STXBP3: variants seen among roughly 807,000 people sequenced by gnomAD.
The protein encoded by STXBP3 is syntaxin binding protein 3.
In STXBP3, 41 loss-of-function variants were observed where a neutral mutation model predicts 85.7. The ratio of observed to expected loss-of-function variants is 0.48; its 90% CI spans 0.37 to 0.62. The LOEUF is 0.62. Among genes scored for constraint, STXBP3 ranks in the 20% least tolerant of loss-of-function variants. The pLI is 0.00. For synonymous variants in STXBP3, 229 were observed against 231.7 expected (o/e 0.99, Z 0.10); for missense variants, 563 against 703.1 (o/e 0.80, Z 2.25).
chr1:108,801,004 T>G (rs1037769562), intron 17 of STXBP3, among the ~76,000 whole-genome samples: 1 of 152,198 alleles, frequency 6.6e-6, no homozygotes, highest in African/African-American at 2.4e-5. Flanking sequence ...TCTCCTTCCT[T>G]TCTTTCTGAA....
rs148712867 is a variant in STXBP3 at position 108,758,549 on chromosome 1, G to C, written c.298G>C (p.Glu100Gln). Residue 100 changes from glutamate to glutamine, a missense_variant, in exon 5 of 19, where the codon GAG becomes CAG. Glu to Gln is a conservative substitution (Grantham distance 29). Transcript: ENST00000370008. ...CFLHDFASKS[E>Q]NKYKAAYIYF... ...CTTACATGATTTTGCAAGTAAATCG[G>C]AGAACAAGTATAAAGCAGCATATAT... 8 of 1,546,966 alleles carry C rather than the reference G, an allele frequency of 5.2e-6. No individual in the cohort carries two copies. The African/African-American group carries it at 9.6e-5, about 19-fold the overall frequency.
chr1:108,774,670 G>C (rs1475106146), intron 7 of STXBP3, among the ~76,000 whole-genome samples: 1 of 137,070 alleles, frequency 7.3e-6, no homozygotes, highest in Non-Finnish European at 1.5e-5. Context: ...TTGAGATGGG[G>C]GTCTCTATGT....
intron 11 of STXBP3, among the ~76,000 whole-genome samples, chr1:108,789,981 G>T (rs1465205738): frequency 8.1e-6 from 1 of 123,190 alleles, no homozygotes; most frequent in Non-Finnish European, 1.7e-5. Flanking sequence ...AACAGAGTGA[G>T]ACTCTGTCTC....
At chr1:108,776,273 G>T in intron 7 of STXBP3, 60 bp from the exon 8 acceptor site, 3 of 1,054,496 alleles carry the variant, frequency 2.8e-6, no homozygotes, top group Non-Finnish European at 3.9e-6. Context: ...TAAACTTCAT[G>T]ATATTATAAA....
At chr1:108,766,993 C>A (rs890968202) in intron 6 of STXBP3, 21 of 497,638 alleles carry the variant, frequency 4.2e-5, no homozygotes, top group South Asian at 2.9e-4. Context: ...GCTTTGAGAC[C>A]CCCTTGTGTG....
In STXBP3 at chr1:108,746,686, A is replaced by G. The variant is rs967235175; in HGVS notation, c.-52A>G. The G allele has an allele frequency of 1.9e-6, 3 of 1,547,188 alleles. No individual in the cohort carries two copies. The African/African-American group carries it at 4.1e-5, about 21-fold the overall frequency. ...CCACCCCAACGCCGCTTCTGCGGCC[A>G]AAGTAGGTTGGGAGTGGAAGGTGGT... On this transcript the variant is annotated 5_prime_UTR_variant, in exon 1 of 19. Coordinates refer to ENST00000370008, the MANE Select transcript of STXBP3 (RefSeq NM_007269.4).
rs1042227542 is a variant in STXBP3 at position 108,746,728 on chromosome 1, T to C, written c.-10T>C. ...GAAGGTGGTGGCTGCTGCTCCGCAG[T>C]GTCGGGAAGATGGCGCCGCCGGTGG... On this transcript the variant is annotated 5_prime_UTR_variant, in exon 1 of 19. Transcript: ENST00000370008. The C allele has an allele frequency of 1.2e-5, 19 of 1,548,934 alleles. No homozygotes were observed. Among genetic ancestry groups the C allele is most frequent in the Admixed American group, 2.0e-5 (1 of 50,920 alleles).
intron 1 of STXBP3, among the ~76,000 whole-genome samples, chr1:108,750,163 T>C (rs1164218350): frequency 1.3e-5 from 2 of 152,130 alleles, no homozygotes. Flanking sequence ...CATTCATTTC[T>C]TAAGAGAAAG....
intron 1 of STXBP3, among the ~76,000 whole-genome samples, chr1:108,747,110 G>GCCGCGCTCCCCACTCTTCTTCGCTCCCGT (rs1661804122): frequency 1.4e-5 from 2 of 147,394 alleles, no homozygotes; most frequent in African/African-American, 5.0e-5. Flanking sequence ...CGTGCCCTCG[G>GCCGCGCTCCCCACTCTTCTTCGCTCCCGT]CCGCGCTCCC....
chr1:108,764,470 C>CAGA (rs1393198709), intron 6 of STXBP3, among the ~76,000 whole-genome samples: 2 of 152,184 alleles, frequency 1.3e-5, no homozygotes, highest in African/African-American at 4.8e-5. Context: ...GAGGAATCAC[C>CAGA]ACACTGTCTT....
At chr1:108,807,615 C>G (rs1211280064) in intron 18 of STXBP3, 66 bp downstream of exon 18, 4 of 1,483,840 alleles carry the variant, frequency 2.7e-6, no homozygotes, top group Admixed American at 2.2e-5. Context: ...TCGGTCTTGT[C>G]CCCCAGGCTG....
chr1:108,763,073 A>C (rs899141479), intron 6 of STXBP3, among the ~76,000 whole-genome samples: 5 of 152,348 alleles, frequency 3.3e-5, no homozygotes, highest in African/African-American at 1.2e-4. Context: ...GAATATTTGC[A>C]CAAGGCACAG....
At position 108,759,989 on chromosome 1, in the gene STXBP3, C is replaced by T. The variant is rs764756789; in HGVS notation, c.342C>T (p.Cys114=). Residue 114 remains cysteine (C), a synonymous_variant, in exon 6 of 19, where the codon TGC becomes TGT. Transcript: ENST00000370008. ...KAAYIYFTDF[C]PDNLFNKIKA... ...TTTGTTTTTTTTTCCCCTCAGTTTGCCCTGATAATCTCTTTAACAAAATTA... is the reference window on the plus strand; with the variant it reads ...TTTGTTTTTTTTTCCCCTCAGTTTGTCCTGATAATCTCTTTAACAAAATTA... 5 of 1,555,490 alleles carry T rather than the reference C, an allele frequency of 3.2e-6. No individual in the cohort carries two copies. The South Asian group carries it at 5.0e-5, about 15-fold the overall frequency.
chr1:108,747,041 C>A (rs1047542734), intron 1 of STXBP3, among the ~76,000 whole-genome samples: 5 of 147,136 alleles, frequency 3.4e-5, no homozygotes, highest in Non-Finnish European at 7.5e-5. Flanking sequence ...GCGCTCTGGC[C>A]GCGAAGCTCC....
At chr1:108,757,380 C>T (rs1359511348) in intron 4 of STXBP3, among the ~76,000 whole-genome samples, 3 of 151,976 alleles carry the variant, frequency 2.0e-5, no homozygotes, top group Non-Finnish European at 4.4e-5. Flanking sequence ...TTTCATTTCA[C>T]TTCTAAAAAA....
intron 6 of STXBP3, chr1:108,767,413 T>A (rs541505099): frequency 4.9e-6 from 1 of 203,166 alleles, no homozygotes; most frequent in African/African-American, 2.4e-5. Flanking sequence ...AAACATTCCT[T>A]CTTGAGTTTA....
At chr1:108,797,157 C>T (rs1663121147) in intron 15 of STXBP3, among the ~76,000 whole-genome samples, 1 of 151,788 alleles carries the variant, frequency 6.6e-6, no homozygotes, top group African/African-American at 2.4e-5. Flanking sequence ...GAGTTCGAGA[C>T]CAGCCTGGGC....
chr1:108,765,009 T>G (rs1038787399), intron 6 of STXBP3, among the ~76,000 whole-genome samples: 2 of 152,206 alleles, frequency 1.3e-5, no homozygotes, highest in African/African-American at 4.8e-5. Flanking sequence ...TTTATAGTTT[T>G]GGGTTTTACC....
intron 2 of STXBP3, 63 bp downstream of exon 2, chr1:108,752,369 AAAACTACATAGTATTTACAT>A: frequency 1.4e-6 from 2 of 1,452,756 alleles, no homozygotes; most frequent in Non-Finnish European, 1.9e-6. Context: ...ATACAGTATA[AAAACTACATAGTATTTACAT>A]GGTATTAGGT....
Sources: gnomAD v4.1 joint callset for allele counts (sites outside exome capture counted in the v4.1 genomes callset) on GRCh38, gnomAD v4.1.1 for gene constraint, MANE v1.5 for transcripts, NCBI Gene and HGNC (gene_info 2026-07-23, HGNC 2026-07-21) for gene names.